SNTG2: variants seen among roughly 807,000 people sequenced by gnomAD.
SNTG2 encodes syntrophin gamma 2.
Under a neutral mutation model 70.9 loss-of-function variants are expected in SNTG2, and 74 were observed. The ratio of observed to expected loss-of-function variants is 1.04; its 90% CI spans 0.86 to 1.27. The LOEUF (loss-of-function observed/expected upper bound fraction) is 1.27, where lower values mean the gene tolerates loss of function less well. Ranked by LOEUF, SNTG2 falls within the 50% of genes most tolerant of loss-of-function variation. SNTG2 has a pLI of 0.00. For synonymous variants in SNTG2, 278 were observed against 273.8 expected (o/e 1.02, Z -0.15); for missense variants, 717 against 690.7 (o/e 1.04, Z -0.43).
chr2:1,073,596 G>A (rs961944460), intron 1 of SNTG2, among the ~76,000 whole-genome samples: 3 of 152,182 alleles, frequency 2.0e-5, no homozygotes, highest in Admixed American at 6.5e-5. Context: ...CTTGATTAGG[G>A]TGGTCTAGAA....
Position 1,335,936 on chromosome 2 carries a change from G to A in SNTG2, c.1488+19561G>A, listed in dbSNP as rs564553905. ...TAGGTACATCACAGTCATGGTTTACGTCACCAGATCAAACAAATCATATTC... is the reference window on the plus strand; with the variant it reads ...TAGGTACATCACAGTCATGGTTTACATCACCAGATCAAACAAATCATATTC... On this transcript the variant is annotated intron_variant, in intron 16 of 16. Coordinates refer to ENST00000308624, the MANE Select transcript of SNTG2 (RefSeq NM_018968.4). Among the ~76,000 whole-genome samples, 5 of 152,206 alleles carry A rather than the reference G, an allele frequency of 3.3e-5. 1 individual carries two copies. In the South Asian group the frequency reaches 6.2e-4, roughly 19 times the overall value.
chr2:1,060,587 G>A (rs1202392551), intron 1 of SNTG2, among the ~76,000 whole-genome samples: 1 of 152,216 alleles, frequency 6.6e-6, no homozygotes, highest in Non-Finnish European at 1.5e-5. Context: ...ATCTGGAAGA[G>A]TGACAGGTGT....
chr2:1,137,471 C>A lies in SNTG2; in HGVS notation c.326-151C>A, dbSNP rs1409542331. ...ATTCACACCCATCTGCACCTGCACA[C>A]ACAAACACACATCTGCTCACGTGGA... On this transcript the variant is annotated intron_variant, in intron 4 of 16. Coordinates refer to ENST00000308624, the MANE Select transcript of SNTG2 (RefSeq NM_018968.4). 10 of 779,548 alleles carry A rather than the reference C, an allele frequency of 1.3e-5. No homozygotes were observed. In the African/African-American group the frequency reaches 1.8e-4, roughly 14 times the overall value. The allele number at this position is 779,548 out of a possible 1,614,324, so 48.3% of individuals were successfully genotyped here.
intron 1 of SNTG2, among the ~76,000 whole-genome samples, chr2:1,073,406 G>C (rs1168797211): frequency 6.6e-6 from 1 of 152,206 alleles, no homozygotes; most frequent in Non-Finnish European, 1.5e-5. Flanking sequence ...TTACAACCCA[G>C]CCAAGGCTCA....
intron 14 of SNTG2, among the ~76,000 whole-genome samples, chr2:1,295,111 G>A (rs1466260230): frequency 1.3e-5 from 2 of 152,162 alleles, no homozygotes; most frequent in African/African-American, 4.8e-5. Flanking sequence ...CAGTGTCAGA[G>A]TCTCTCTCTC....
intron 1 of SNTG2, among the ~76,000 whole-genome samples, chr2:1,022,003 T>A (rs1023920280): frequency 5.3e-5 from 8 of 150,776 alleles, no homozygotes; most frequent in African/African-American, 1.9e-4. Context: ...AATTACTTAT[T>A]CTATGTGTAC....
intron 4 of SNTG2, among the ~76,000 whole-genome samples, chr2:1,118,222 G>A (rs981909287): frequency 2.0e-5 from 3 of 151,978 alleles, no homozygotes; most frequent in African/African-American, 7.2e-5. Context: ...GGATCTCAGT[G>A]CCACTGCAGC....
intron 8 of SNTG2, among the ~76,000 whole-genome samples, chr2:1,202,701 A>G (rs1344622810): frequency 6.6e-6 from 1 of 152,162 alleles, no homozygotes; most frequent in East Asian, 1.9e-4. Flanking sequence ...ATATAAAGAT[A>G]CCCACAGGTG....
chr2:1,253,717 T>C (rs996857760), intron 12 of SNTG2, among the ~76,000 whole-genome samples: 2 of 152,070 alleles, frequency 1.3e-5, no homozygotes, highest in Non-Finnish European at 2.9e-5. Context: ...GGGTAGTTTA[T>C]AAAGAAAAGA....
intron 12 of SNTG2, among the ~76,000 whole-genome samples, chr2:1,247,736 T>G (rs1489153531): frequency 6.6e-6 from 1 of 152,214 alleles, no homozygotes; most frequent in African/African-American, 2.4e-5. Context: ...GCTCTGTGTC[T>G]TAGAGGATCA....
At chr2:1,177,118 G>A (rs766994930) in intron 8 of SNTG2, among the ~76,000 whole-genome samples, 2 of 152,166 alleles carry the variant, frequency 1.3e-5, no homozygotes, top group Non-Finnish European at 2.9e-5. Context: ...AGGAAATGTG[G>A]TAGAGATACA....
chr2:973,136 T>C (rs999023036), intron 1 of SNTG2, among the ~76,000 whole-genome samples: 5 of 152,362 alleles, frequency 3.3e-5, no homozygotes, highest in African/African-American at 1.2e-4. Flanking sequence ...AACAATCCTC[T>C]TTTTGATATA....
At chr2:1,306,824 C>A (rs1680697539) in intron 14 of SNTG2, among the ~76,000 whole-genome samples, 1 of 150,984 alleles carries the variant, frequency 6.6e-6, no homozygotes, top group African/African-American at 2.5e-5. Context: ...GAGCAGTGCG[C>A]TGTGAGCCGC....
intron 4 of SNTG2, among the ~76,000 whole-genome samples, chr2:1,109,940 C>T (rs78426527): frequency 0.013 from 1,993 of 152,282 alleles, 36 homozygotes; most frequent in African/African-American, 0.042. Flanking sequence ...GAGTATTCAT[C>T]GTTCAGCGCC....
At chr2:1,347,834 A>G (rs973528334) in intron 16 of SNTG2, among the ~76,000 whole-genome samples, 54 of 152,214 alleles carry the variant, frequency 3.5e-4, no homozygotes, top group African/African-American at 1.2e-3. Context: ...GTTTAAAGGC[A>G]TTGTGCCCCT....
rs533637487 is a variant in SNTG2 at position 1,301,784 on chromosome 2, TA to T, written c.1285-6702del. Among the ~76,000 whole-genome samples the T allele has an allele frequency of 1.1e-4, 16 of 151,956 alleles. No individual in the cohort carries two copies. In the East Asian group the frequency reaches 1.9e-3, roughly 18 times the overall value. Reference sequence around the variant, plus strand: ...TTAAAAAAATTGAAACATTTTCTGATAAAAAAAATTAAGAGAGTTTAGTATC... The same window carrying T: ...TTAAAAAAATTGAAACATTTTCTGATAAAAAAATTAAGAGAGTTTAGTATC... On this transcript the variant is annotated intron_variant, in intron 14 of 16. Coordinates refer to ENST00000308624, the MANE Select transcript of SNTG2 (RefSeq NM_018968.4).
At chr2:1,061,163 C>T (rs1372070659) in intron 1 of SNTG2, among the ~76,000 whole-genome samples, 2 of 151,962 alleles carry the variant, frequency 1.3e-5, no homozygotes, top group African/African-American at 4.8e-5. Context: ...CATAGAGCCG[C>T]GTGATCCTGG....
At chr2:1,148,243 G>C (rs1669226811) in intron 6 of SNTG2, among the ~76,000 whole-genome samples, 1 of 152,246 alleles carries the variant, frequency 6.6e-6, no homozygotes, top group African/African-American at 2.4e-5. Context: ...AATGGCCTTA[G>C]TGATTTCCTG....
At chr2:986,282 T>C (rs1166342375) in intron 1 of SNTG2, among the ~76,000 whole-genome samples, 1 of 152,176 alleles carries the variant, frequency 6.6e-6, no homozygotes, top group Admixed American at 6.5e-5. Context: ...CCAGACCTCC[T>C]TCTCACACGC....
Sources: allele counts gnomAD v4.1 joint callset (sites outside exome capture counted in the v4.1 genomes callset), GRCh38; gene constraint gnomAD v4.1.1; transcripts MANE v1.5; gene names NCBI Gene and HGNC (gene_info 2026-07-23, HGNC 2026-07-21).